Variants in PRLR observed in about 807,000 individuals in gnomAD.
PRLR encodes prolactin receptor.
A neutral mutation model predicts 40.2 loss-of-function variants in PRLR; 13 were observed. That is an observed-to-expected ratio of 0.32 (90% CI 0.21 to 0.51). PRLR has a LOEUF of 0.51. Among genes scored for constraint, PRLR ranks in the 20% least tolerant of loss-of-function variants. The pLI is 0.97. For missense variants in PRLR, 656 were observed against 747.3 expected (o/e 0.88, Z 1.42); for synonymous variants, 269 against 278.7 (o/e 0.97, Z 0.35).
At chr5:35,049,075 C>T (rs1417398671) in exon 9 of PRLR, 4 of 669,220 alleles carry the variant, frequency 6.0e-6, no homozygotes, top group Middle Eastern at 2.8e-4. Flanking sequence ...ATAATTGTCC[C>T]TTTTTGTGTG....
At chr5:35,089,832 A>G (rs1771090774) in intron 2 of PRLR, among the ~76,000 whole-genome samples, 169 bp from the exon 3 acceptor site, 2 of 152,214 alleles carry the variant, frequency 1.3e-5, no homozygotes, top group Admixed American at 6.5e-5. Context: ...GGCTTGGCAC[A>G]GAAACATCAA....
chr5:35,222,741 G>C (rs1776455822), intron 1 of PRLR, among the ~76,000 whole-genome samples: 1 of 152,158 alleles, frequency 6.6e-6, no homozygotes, highest in African/African-American at 2.4e-5. Flanking sequence ...AAGGTATGTG[G>C]AATTCAGTAG....
downstream of PRLR, among the ~76,000 whole-genome samples, chr5:35,054,677 T>A (rs1301704342): frequency 3.3e-5 from 5 of 152,180 alleles, no homozygotes; most frequent in Non-Finnish European, 5.9e-5. Flanking sequence ...ATAGGGAGTT[T>A]AATAGATTGT....
At chr5:35,100,893 G>A (rs1300753529) in intron 2 of PRLR, among the ~76,000 whole-genome samples, 1 of 152,186 alleles carries the variant, frequency 6.6e-6, no homozygotes, top group Non-Finnish European at 1.5e-5. Flanking sequence ...CTGACCACCA[G>A]CAAACTGTCA....
intron 5 of PRLR, among the ~76,000 whole-genome samples, chr5:35,079,736 C>A (rs945307418): frequency 3.3e-5 from 5 of 152,182 alleles, no homozygotes; most frequent in Non-Finnish European, 5.9e-5. Flanking sequence ...CCAAAACAAT[C>A]TTAAGCCAAA....
At chr5:35,186,419 A>G (rs528573701) in intron 1 of PRLR, among the ~76,000 whole-genome samples, 3 of 152,326 alleles carry the variant, frequency 2.0e-5, no homozygotes, top group African/African-American at 4.8e-5. Context: ...TTACTGTCAC[A>G]CTGGCTAGTG....
At chr5:35,142,038 C>T (rs1037083686) in intron 1 of PRLR, among the ~76,000 whole-genome samples, 2 of 152,116 alleles carry the variant, frequency 1.3e-5, no homozygotes, top group African/African-American at 2.4e-5. Context: ...TGGCAATTCT[C>T]GAATGTTTAA....
rs369931041 is a variant in PRLR, at chr5:35,065,689, C to T, written c.1269G>A (p.Gln423=). The T allele has an allele frequency of 6.2e-6, 10 of 1,614,034 alleles. No individual in the cohort carries two copies. The highest frequency in any genetic ancestry group is 8.5e-6 in the Non-Finnish European group (10 of 1,180,026). ...CSTWPLPQPS[Q]HNPRSSYHNI... ...TGTGGTAAGAGGATCTGGGGTTGTGCTGGCTGGGCTGTGGTAAGGGCCATG... is the reference window on the plus strand; with the variant it reads ...TGTGGTAAGAGGATCTGGGGTTGTGTTGGCTGGGCTGTGGTAAGGGCCATG... The change falls in exon 10 of 10, where the codon CAG becomes CAA. Residue 423 remains glutamine, a synonymous_variant. Transcript: ENST00000618457.
intron 1 of PRLR, among the ~76,000 whole-genome samples, chr5:35,174,700 T>C (rs374715440): frequency 2.9e-4 from 44 of 152,306 alleles, no homozygotes; most frequent in Middle Eastern, 6.8e-3. Flanking sequence ...CCTCCTGTTG[T>C]ATGACCAGAA....
intron 5 of PRLR, chr5:35,081,215 G>A (rs942231877): frequency 6.5e-6 from 1 of 154,622 alleles, no homozygotes; most frequent in Admixed American, 6.5e-5. Context: ...GCCATCAATT[G>A]CAAAAGGACT....
At chr5:35,115,097 T>A (rs1347484005) in intron 2 of PRLR, among the ~76,000 whole-genome samples, 1 of 152,214 alleles carries the variant, frequency 6.6e-6, no homozygotes, top group Non-Finnish European at 1.5e-5. Context: ...ACAAGCCACA[T>A]GAGGCTGGCA....
intron 1 of PRLR, among the ~76,000 whole-genome samples, chr5:35,163,519 A>G (rs1774736626): frequency 6.6e-6 from 1 of 152,228 alleles, no homozygotes; most frequent in Non-Finnish European, 1.5e-5. Context: ...AAAGGCTTAC[A>G]TTAGAACATG....
downstream of PRLR, among the ~76,000 whole-genome samples, chr5:35,053,010 T>G (rs1417987129): frequency 6.6e-6 from 1 of 152,190 alleles, no homozygotes; most frequent in Admixed American, 6.5e-5. Context: ...TAATTCAACT[T>G]TTGTCAGTGA....
At chr5:35,151,944 A>G (rs959483831) in intron 1 of PRLR, among the ~76,000 whole-genome samples, 1 of 152,214 alleles carries the variant, frequency 6.6e-6, no homozygotes, top group Non-Finnish European at 1.5e-5. Flanking sequence ...TTATAAAGCA[A>G]CTAGTTGACC....
intron 2 of PRLR, among the ~76,000 whole-genome samples, chr5:35,115,570 G>C (rs1772965376): frequency 6.6e-6 from 1 of 152,116 alleles, no homozygotes; most frequent in African/African-American, 2.4e-5. Context: ...TCTCCTCTTG[G>C]CTTCTTGCAG....
chr5:35,053,998 A>G (rs1229152291), downstream of PRLR, among the ~76,000 whole-genome samples: 1 of 152,260 alleles, frequency 6.6e-6, no homozygotes, highest in African/African-American at 2.4e-5. Flanking sequence ...ATTTGGGCAT[A>G]TGTAGACACT....
chr5:35,220,452 G>C (rs1390270026), intron 1 of PRLR, among the ~76,000 whole-genome samples: 1 of 152,182 alleles, frequency 6.6e-6, no homozygotes, highest in Admixed American at 6.5e-5. Flanking sequence ...TCCTCAGACA[G>C]TGCAACTTGT....
intron 2 of PRLR, among the ~76,000 whole-genome samples, chr5:35,105,577 C>T (rs373344418): frequency 7.2e-4 from 109 of 152,006 alleles, no homozygotes; most frequent in African/African-American, 2.4e-3. Context: ...AACTATATGA[C>T]GCATGCACAA....
intron 2 of PRLR, among the ~76,000 whole-genome samples, chr5:35,099,951 C>A (rs1368747463): frequency 4.0e-5 from 6 of 151,848 alleles, no homozygotes; most frequent in Admixed American, 6.6e-5. Context: ...CTGAAGCGGG[C>A]AGATCATGAG....
Sources: gnomAD v4.1 joint callset for allele counts (sites outside exome capture counted in the v4.1 genomes callset) on GRCh38, gnomAD v4.1.1 for gene constraint, MANE v1.5 for transcripts, NCBI Gene and HGNC (gene_info 2026-07-23, HGNC 2026-07-21) for gene names.